The following NTRK2 variants were observed in gnomAD, a reference collection of about 807,000 sequenced individuals.
The protein encoded by NTRK2 is BDNF/NT-3 growth factors receptor.
A neutral mutation model predicts 94.5 loss-of-function variants in NTRK2; 13 were observed. The ratio of observed to expected loss-of-function variants is 0.14; its 90% CI spans 0.09 to 0.22. The LOEUF (loss-of-function observed/expected upper bound fraction) is 0.22. Among genes scored for constraint, NTRK2 ranks in the 10% least tolerant of loss-of-function variants. The probability of loss-of-function intolerance (pLI) is 1.00; values close to 1 mark genes in which losing one functional copy is unlikely to be tolerated. For missense variants in NTRK2, 639 were observed against 1,071.2 expected (o/e 0.60, Z 5.63); for synonymous variants, 372 against 407.4 (o/e 0.91, Z 1.05).
intron 17 of NTRK2, among the ~76,000 whole-genome samples, chr9:85,006,688 GT>G (rs1377230268): frequency 6.6e-6 from 1 of 152,168 alleles, no homozygotes; most frequent in Non-Finnish European, 1.5e-5. Context: ...CTGCTGAGGG[GT>G]CACTTTGGCT....
chr9:84,816,220 C>A (rs1225830186), intron 12 of NTRK2, among the ~76,000 whole-genome samples: 2 of 152,074 alleles, frequency 1.3e-5, no homozygotes, highest in Non-Finnish European at 2.9e-5. Flanking sequence ...TACCATGAGA[C>A]CATAACTGTT....
At chr9:84,807,368 G>A (rs572563506) in intron 12 of NTRK2, among the ~76,000 whole-genome samples, 216 of 152,278 alleles carry the variant, frequency 1.4e-3, no homozygotes, top group African/African-American at 5.0e-3. Context: ...AATAGCAGAG[G>A]TTGAGTTTCA....
chr9:84,814,299 T>C, intron 12 of NTRK2: 1 of 1,065,356 alleles, frequency 9.4e-7, no homozygotes, highest in African/African-American at 1.6e-5. Context: ...GCGACACCTC[T>C]TCAGGGGTGT....
chr9:84,962,233 C>T (rs1825024961), intron 17 of NTRK2, among the ~76,000 whole-genome samples: 1 of 152,312 alleles, frequency 6.6e-6, no homozygotes, highest in African/African-American at 2.4e-5. Context: ...TTGCCTAGAG[C>T]AGGGTCTCTC....
At chr9:84,722,790 A>G (rs2132011113) in intron 6 of NTRK2, among the ~76,000 whole-genome samples, 1 of 152,344 alleles carries the variant, frequency 6.6e-6, no homozygotes, top group African/African-American at 2.4e-5. Context: ...AAGTATAAAA[A>G]TGATGCTTTG....
chr9:84,921,600 C>T (rs541591591), intron 14 of NTRK2, among the ~76,000 whole-genome samples: 2 of 152,206 alleles, frequency 1.3e-5, no homozygotes, highest in South Asian at 4.2e-4. Context: ...CTTTGTCTTT[C>T]CTGCCTGCAC....
At chr9:84,955,593 C>T (rs558285284) in intron 17 of NTRK2, 76 bp downstream of exon 17, 10 of 1,205,140 alleles carry the variant, frequency 8.3e-6, no homozygotes, top group Admixed American at 7.6e-5. Flanking sequence ...TTTGCTGAGG[C>T]TGTCATAACA....
intron 14 of NTRK2, among the ~76,000 whole-genome samples, chr9:84,870,331 G>GTGTGTATATATATATATATA (rs1349303529): frequency 1.4e-3 from 45 of 31,168 alleles, no homozygotes; most frequent in Non-Finnish European, 2.2e-3. Flanking sequence ...GTGTGTGTGT[G>GTGTGTATATATATATATATA]TATATATATA....
At chr9:84,963,269 G>A (rs752160872) in intron 17 of NTRK2, among the ~76,000 whole-genome samples, 5 of 152,184 alleles carry the variant, frequency 3.3e-5, no homozygotes, top group East Asian at 1.9e-4. Flanking sequence ...GAGCTCACTC[G>A]CCAGAGATCA....
chr9:84,794,859 T>C (rs767281670), intron 12 of NTRK2, among the ~76,000 whole-genome samples: 9 of 152,278 alleles, frequency 5.9e-5, no homozygotes, highest in Admixed American at 1.3e-4. Context: ...TTTCCACCTC[T>C]CTATATTTGG....
At chr9:84,777,402 C>G (rs2067154090) in intron 12 of NTRK2, among the ~76,000 whole-genome samples, 1 of 152,166 alleles carries the variant, frequency 6.6e-6, no homozygotes, top group Non-Finnish European at 1.5e-5. Context: ...GTCTTGTTGT[C>G]CCTAAATGGG....
At chr9:85,020,687 G>A (rs1832709133) in intron 18 of NTRK2, among the ~76,000 whole-genome samples, 1 of 152,122 alleles carries the variant, frequency 6.6e-6, no homozygotes, top group Non-Finnish European at 1.5e-5. Context: ...AAGTTCTTTA[G>A]TATTGTTCCA....
At chr9:84,908,776 C>T (rs528469135) in intron 14 of NTRK2, among the ~76,000 whole-genome samples, 2 of 152,250 alleles carry the variant, frequency 1.3e-5, no homozygotes, top group East Asian at 3.9e-4. Context: ...TAGTGGCAAA[C>T]TGTTCCTTAC....
At chr9:85,014,986 C>A (rs1327673422) in intron 17 of NTRK2, among the ~76,000 whole-genome samples, 3 of 152,082 alleles carry the variant, frequency 2.0e-5, no homozygotes, top group East Asian at 3.9e-4. Context: ...TTCTTTTTGG[C>A]CTTGTGCCTC....
intron 2 of NTRK2, among the ~76,000 whole-genome samples, chr9:84,695,861 C>T (rs572379372): frequency 6.6e-6 from 1 of 152,278 alleles, no homozygotes; most frequent in East Asian, 1.9e-4. Context: ...TCATCATATC[C>T]TGTGGCAGTG....
At chr9:84,834,295 C>T (rs1420180794) in intron 12 of NTRK2, among the ~76,000 whole-genome samples, 3 of 152,020 alleles carry the variant, frequency 2.0e-5, no homozygotes, top group Non-Finnish European at 2.9e-5. Context: ...TTAAATTTAG[C>T]TGGGAATTCT....
chr9:84,955,253 C>T (rs2132969508), intron 16 of NTRK2, 30 bp from the exon 17 acceptor site: 1 of 1,558,530 alleles, frequency 6.4e-7, no homozygotes, highest in Non-Finnish European at 8.7e-7. Context: ...TGCTGAGGCC[C>T]CCAGCTTCAT....
chr9:84,745,580 A>AAGAGAT (rs2063997595), intron 11 of NTRK2, among the ~76,000 whole-genome samples: 1 of 152,222 alleles, frequency 6.6e-6, no homozygotes, highest in South Asian at 2.1e-4. Context: ...AAGGCAGTAC[A>AAGAGAT]AGAGATAGAA....
At chr9:84,808,286 A>AAAGAG (rs1262297532) in intron 12 of NTRK2, among the ~76,000 whole-genome samples, 1 of 152,238 alleles carries the variant, frequency 6.6e-6, no homozygotes, top group Non-Finnish European at 1.5e-5. Flanking sequence ...AGAAACAAAG[A>AAAGAG]AAGAGAAGCC....
Sources: gnomAD v4.1 joint callset for allele counts (sites outside exome capture counted in the v4.1 genomes callset) on GRCh38, gnomAD v4.1.1 for gene constraint, MANE v1.5 for transcripts, NCBI Gene and HGNC (gene_info 2026-07-23, HGNC 2026-07-21) for gene names.